MCTP1: variants seen among roughly 807,000 people sequenced by gnomAD.
The protein encoded by MCTP1 is multiple C2 and transmembrane domain containing 1, also known as multiple C2 and transmembrane domain-containing protein 1.
Under a neutral mutation model 120.6 loss-of-function variants are expected in MCTP1, and 69 were observed. The ratio of observed to expected loss-of-function variants is 0.57; its 90% CI spans 0.47 to 0.70. MCTP1 has a LOEUF of 0.70. Among genes scored for constraint, MCTP1 ranks in the 30% least tolerant of loss-of-function variants. MCTP1 has a pLI of 0.00. For missense variants in MCTP1, 1,203 were observed against 1,248.8 expected, an observed-to-expected ratio of 0.96 and a Z score of 0.55; for synonymous variants, 529 against 493.1, an observed-to-expected ratio of 1.07 and a Z score of -0.96.
intron 17 of MCTP1, among the ~76,000 whole-genome samples, chr5:94,804,808 A>G (rs1053131203): frequency 1.3e-5 from 2 of 152,190 alleles, no homozygotes; most frequent in African/African-American, 4.8e-5. Context: ...AGTCAATATG[A>G]TCATTGCTCT....
At chr5:95,036,710 CTT>C (rs1406063945) in intron 1 of MCTP1, among the ~76,000 whole-genome samples, 1 of 152,164 alleles carries the variant, frequency 6.6e-6, no homozygotes, top group Non-Finnish European at 1.5e-5. Context: ...AATTAGGTAT[CTT>C]TAAAAAGAAT....
chr5:94,754,305 T>C (rs532649896), intron 19 of MCTP1, among the ~76,000 whole-genome samples: 35 of 152,336 alleles, frequency 2.3e-4, no homozygotes, highest in African/African-American at 8.4e-4. Flanking sequence ...GGTCCGTCAG[T>C]TAAGTACATA....
At chr5:94,749,009 T>C (rs1369703475) in intron 19 of MCTP1, among the ~76,000 whole-genome samples, 1 of 152,206 alleles carries the variant, frequency 6.6e-6, no homozygotes, top group Non-Finnish European at 1.5e-5. Context: ...GCTTCTGCTG[T>C]AATTGTGGCC....
chr5:95,148,978 G>T (rs1167766654), intron 1 of MCTP1, among the ~76,000 whole-genome samples: 2 of 152,190 alleles, frequency 1.3e-5, no homozygotes, highest in African/African-American at 2.4e-5. Flanking sequence ...CTGTAATTTG[G>T]ACTGTGATCC....
intron 19 of MCTP1, among the ~76,000 whole-genome samples, chr5:94,723,555 G>GT (rs34151976): frequency 0.36 from 54,084 of 149,378 alleles, 9,923 homozygotes; most frequent in South Asian, 0.49. Context: ...ACTTGGCAGA[G>GT]TTTTTTTTTT....
At chr5:94,853,286 A>T (rs1286187266) in intron 17 of MCTP1, among the ~76,000 whole-genome samples, 1 of 152,000 alleles carries the variant, frequency 6.6e-6, no homozygotes, top group Non-Finnish European at 1.5e-5. Flanking sequence ...TCTAAATCAC[A>T]AAGACTTGGT....
At chr5:95,154,237 C>T (rs1441265817) in intron 1 of MCTP1, 1 of 152,162 alleles carries the variant, frequency 6.6e-6, no homozygotes, top group African/African-American at 2.4e-5. Context: ...GAACTAGGCA[C>T]ATACCTGGGG....
At chr5:95,207,275 GGT>G (rs1297763710) in intron 1 of MCTP1, among the ~76,000 whole-genome samples, 1 of 152,130 alleles carries the variant, frequency 6.6e-6, no homozygotes. Context: ...GAGCAGCAGG[GGT>G]GGTGAATAGG....
intron 3 of MCTP1, among the ~76,000 whole-genome samples, chr5:94,948,383 A>G (rs1819637933): frequency 6.6e-6 from 1 of 152,190 alleles, no homozygotes. Context: ...CCGAGACTCA[A>G]TAACTTCCCA....
intron 1 of MCTP1, among the ~76,000 whole-genome samples, chr5:95,021,490 T>C (rs1581881249): frequency 6.6e-6 from 1 of 152,100 alleles, no homozygotes; most frequent in African/African-American, 2.4e-5. Context: ...TTCTGTTGTA[T>C]GCCCTTCAAT....
At chr5:94,808,426 C>T (rs1457032472) in intron 17 of MCTP1, among the ~76,000 whole-genome samples, 2 of 152,146 alleles carry the variant, frequency 1.3e-5, no homozygotes, top group African/African-American at 4.8e-5. Flanking sequence ...TTGATGACTA[C>T]CTTAGACCCA....
chr5:95,260,538 C>T (rs1183200488), intron 1 of MCTP1, among the ~76,000 whole-genome samples: 1 of 151,816 alleles, frequency 6.6e-6, no homozygotes, highest in Admixed American at 6.6e-5. Context: ...GCTATTGATT[C>T]CTGGTCTGAT....
chr5:94,968,736 A>G (rs1826143454), intron 2 of MCTP1, among the ~76,000 whole-genome samples: 1 of 152,212 alleles, frequency 6.6e-6, no homozygotes, highest in Non-Finnish European at 1.5e-5. Context: ...TGGTTCTGCT[A>G]TTGAAACCAA....
intron 17 of MCTP1, among the ~76,000 whole-genome samples, chr5:94,835,052 A>G (rs1170968027): frequency 6.6e-6 from 1 of 152,004 alleles, no homozygotes; most frequent in Admixed American, 6.6e-5. Context: ...CCTAACCTCA[A>G]GTGATCCACC....
chr5:94,717,105 A>G (rs1759661167), intron 19 of MCTP1, among the ~76,000 whole-genome samples: 1 of 152,210 alleles, frequency 6.6e-6, no homozygotes, highest in Admixed American at 6.5e-5. Context: ...GCCAAAATCT[A>G]TCTTAATATG....
intron 1 of MCTP1, among the ~76,000 whole-genome samples, chr5:95,100,362 C>T (rs982215263): frequency 4.6e-5 from 7 of 152,264 alleles, no homozygotes; most frequent in Admixed American, 1.3e-4. Context: ...CCTACATTTA[C>T]TTTTTCAGCC....
chr5:94,836,553 T>C (rs1255607757), intron 17 of MCTP1, among the ~76,000 whole-genome samples: 2 of 152,166 alleles, frequency 1.3e-5, no homozygotes, highest in South Asian at 4.1e-4. Flanking sequence ...ATAAAGATAC[T>C]TGGGGTTGAG....
chr5:94,978,138 CA>C (rs1184318156), intron 2 of MCTP1, among the ~76,000 whole-genome samples: 2 of 152,002 alleles, frequency 1.3e-5, no homozygotes, highest in Admixed American at 1.3e-4. Flanking sequence ...TACCAAACAT[CA>C]GGGGAATGAA....
intron 6 of MCTP1, among the ~76,000 whole-genome samples, chr5:94,928,306 C>T (rs1421878919): frequency 6.6e-6 from 1 of 151,712 alleles, no homozygotes; most frequent in African/African-American, 2.4e-5. Context: ...TTACATTTTT[C>T]CATTTTTGGC....
Sources: gnomAD v4.1 joint callset for allele counts (sites outside exome capture counted in the v4.1 genomes callset) on GRCh38, gnomAD v4.1.1 for gene constraint, MANE v1.5 for transcripts, NCBI Gene and HGNC (gene_info 2026-07-23, HGNC 2026-07-21) for gene names.